Variants in RPS6KC1 observed in about 807,000 individuals in gnomAD.
The protein encoded by RPS6KC1 is ribosomal protein S6 kinase C1, also known as inactive ribosomal protein S6 kinase delta-1.
RPS6KC1 carries 54 observed loss-of-function variants against 103.8 expected under a neutral mutation model. The observed-to-expected ratio is 0.52, with a 90% CI of 0.42 to 0.65. The LOEUF is 0.65. RPS6KC1 is among the 30% of genes least tolerant of loss of function. RPS6KC1 has a pLI of 0.00. For missense variants in RPS6KC1, 1,151 were observed against 1,253.8 expected, an observed-to-expected ratio of 0.92 and a Z score of 1.24; for synonymous variants, 439 against 438.7, an observed-to-expected ratio of 1.00 and a Z score of -0.01.
chr1:213,161,363 C>T (rs2090457985), intron 6 of RPS6KC1, among the ~76,000 whole-genome samples: 1 of 152,050 alleles, frequency 6.6e-6, no homozygotes, highest in Admixed American at 6.6e-5. Context: ...CTCTGTCACC[C>T]AGGGTGGAGT....
At chr1:213,142,381 T>C (rs2087164552) in intron 6 of RPS6KC1, among the ~76,000 whole-genome samples, 1 of 152,062 alleles carries the variant, frequency 6.6e-6, no homozygotes, top group Non-Finnish European at 1.5e-5. Context: ...TTCTTCTGGT[T>C]AAGAACCATT....
chr1:213,695,435 C>G, the RPS6KC1 span, among the ~76,000 whole-genome samples: 1 of 152,262 alleles, frequency 6.6e-6, no homozygotes, highest in African/African-American at 2.4e-5. Context: ...CACTGAGGGC[C>G]AGGCACAAAA....
chr1:213,456,062 C>T, the RPS6KC1 span, among the ~76,000 whole-genome samples: 2 of 152,176 alleles, frequency 1.3e-5, no homozygotes, highest in East Asian at 1.9e-4. Flanking sequence ...CCAGCCTGTG[C>T]CATCAGAGAC....
At chr1:213,090,300 A>C (rs1453759006) in intron 3 of RPS6KC1, among the ~76,000 whole-genome samples, 1 of 152,114 alleles carries the variant, frequency 6.6e-6, no homozygotes, top group African/African-American at 2.4e-5. Flanking sequence ...CTTTAATTAT[A>C]ATTTTCTCTC....
At chr1:213,755,347 C>T in the RPS6KC1 span, among the ~76,000 whole-genome samples, 15 of 152,200 alleles carry the variant, frequency 9.9e-5, no homozygotes, top group East Asian at 3.8e-4. Flanking sequence ...TCTTGTCTCA[C>T]GAGAGTCCAA....
intron 6 of RPS6KC1, among the ~76,000 whole-genome samples, chr1:213,133,004 A>G (rs1203374481): frequency 3.3e-5 from 5 of 152,222 alleles, no homozygotes; most frequent in African/African-American, 9.6e-5. Context: ...CAATAGCAAC[A>G]GCTCTCTTTG....
At chr1:213,623,266 T>TG in the RPS6KC1 span, among the ~76,000 whole-genome samples, 4 of 152,222 alleles carry the variant, frequency 2.6e-5, no homozygotes, top group African/African-American at 9.6e-5. Flanking sequence ...CAGCATTGAC[T>TG]GAAGGTCTAT....
chr1:213,540,458 C>T, the RPS6KC1 span, among the ~76,000 whole-genome samples: 3 of 152,190 alleles, frequency 2.0e-5, no homozygotes, highest in African/African-American at 7.2e-5. Flanking sequence ...ATCTTCCCAT[C>T]TCAGCCTCCC....
the RPS6KC1 span, among the ~76,000 whole-genome samples, chr1:213,616,668 C>G: frequency 6.6e-6 from 1 of 152,108 alleles, no homozygotes; most frequent in Non-Finnish European, 1.5e-5. Flanking sequence ...AATCCAGAGG[C>G]TTAATAGCTA....
intron 8 of RPS6KC1, among the ~76,000 whole-genome samples, chr1:213,192,298 T>C (rs2092777415): frequency 1.3e-5 from 2 of 152,236 alleles, no homozygotes; most frequent in Non-Finnish European, 2.9e-5. Context: ...TAGTATTTTG[T>C]TGAGTATTTT....
At chr1:213,467,015 T>C in the RPS6KC1 span, among the ~76,000 whole-genome samples, 1 of 147,018 alleles carries the variant, frequency 6.8e-6, no homozygotes, top group African/African-American at 2.5e-5. Context: ...CTACCAATCT[T>C]TTTTTTTTTT....
At chr1:213,310,741 T>C in the RPS6KC1 span, among the ~76,000 whole-genome samples, 1 of 152,220 alleles carries the variant, frequency 6.6e-6, no homozygotes, top group Non-Finnish European at 1.5e-5. Flanking sequence ...AATAAACAAA[T>C]AAATAGCATG....
chr1:213,787,765 A>C, the RPS6KC1 span, among the ~76,000 whole-genome samples: 1 of 152,212 alleles, frequency 6.6e-6, no homozygotes, highest in South Asian at 2.1e-4. Context: ...CCTCTCTATT[A>C]GTAGATGAGA....
At chr1:213,843,590 A>C in the RPS6KC1 span, 1 of 152,214 alleles carries the variant, frequency 6.6e-6, no homozygotes, top group South Asian at 2.1e-4. Context: ...TTCAGAGACC[A>C]TTCCAGTGAA....
At chr1:213,242,494 G>C (rs1041520613) in intron 11 of RPS6KC1, 75 bp from the exon 12 acceptor site, 8 of 1,237,752 alleles carry the variant, frequency 6.5e-6, no homozygotes, top group Non-Finnish European at 9.4e-6. Flanking sequence ...AGCTACAAAA[G>C]GAGTAATTAC....
chr1:213,827,467 A>G, the RPS6KC1 span, among the ~76,000 whole-genome samples: 1 of 152,182 alleles, frequency 6.6e-6, no homozygotes, highest in Non-Finnish European at 1.5e-5. Context: ...GTGGAAAATG[A>G]AGAGCACTGT....
chr1:213,788,351 A>G, the RPS6KC1 span, among the ~76,000 whole-genome samples: 1 of 152,194 alleles, frequency 6.6e-6, no homozygotes, highest in African/African-American at 2.4e-5. Flanking sequence ...AAGCAGGCAT[A>G]CAAACTGTTA....
the RPS6KC1 span, among the ~76,000 whole-genome samples, chr1:213,410,531 A>T: frequency 3.3e-5 from 5 of 152,220 alleles, no homozygotes; most frequent in Admixed American, 3.3e-4. Context: ...GTTGAAGAGG[A>T]TGGAGAGGGA....
At chr1:213,118,146 AATGTTTTTGAT>A (rs1251098728) in intron 5 of RPS6KC1, among the ~76,000 whole-genome samples, 2 of 151,850 alleles carry the variant, frequency 1.3e-5, no homozygotes, top group Non-Finnish European at 2.9e-5. Context: ...AGGCAGTTTT[AATGTTTTTGAT>A]ATGTTTTTAA....
Sources: allele counts gnomAD v4.1 joint callset (sites outside exome capture counted in the v4.1 genomes callset), GRCh38; gene constraint gnomAD v4.1.1; transcripts MANE v1.5; gene names NCBI Gene and HGNC (gene_info 2026-07-23, HGNC 2026-07-21).